The following SUPT3H variants were observed in gnomAD, a reference collection of about 807,000 sequenced individuals.
SUPT3H encodes the protein SPT3 homolog, SAGA and STAGA complex component, also known as transcription initiation protein SPT3 homolog.
A neutral mutation model predicts 44.3 loss-of-function variants in SUPT3H; 44 were observed. The observed-to-expected ratio is 0.99, with a 90% confidence interval of 0.78 to 1.28. The LOEUF (loss-of-function observed/expected upper bound fraction) is 1.28, where lower values mean the gene tolerates loss of function less well. Ranked by LOEUF, SUPT3H falls within the 50% of genes most tolerant of loss-of-function variation. The pLI, the probability that SUPT3H is intolerant of heterozygous loss-of-function variation, is 0.00. For synonymous variants in SUPT3H, 124 were observed against 125.6 expected, an observed-to-expected ratio of 0.99 and a Z score of 0.09; for missense variants, 380 against 387.1, an observed-to-expected ratio of 0.98 and a Z score of 0.15.
In SUPT3H at chr6:44,890,753, T is replaced by TATA. The variant is rs759182550; in HGVS notation, c.912+41897_912+41899dup. Among the ~76,000 whole-genome samples, 400 of 114,384 alleles carry TATA rather than the reference T, an allele frequency of 3.5e-3. 1 individual carries two copies. The highest frequency in any genetic ancestry group is 0.01 in the African/African-American group (373 of 36,168). 75.0% of individuals were successfully genotyped at this position (114,384 alleles called of 152,430 possible). A position where few individuals can be genotyped will look rare whatever the true frequency, so the allele number is the denominator to read the frequency against. ...TGCACATGTACCCTAAAACTTAAAG[T>TATA]ATAATAATAATAATAATAAAAAAAA... On this transcript the variant is annotated intron_variant, in intron 10 of 10. Coordinates refer to ENST00000371459, the MANE Select transcript of SUPT3H (RefSeq NM_003599.4).
intron 9 of SUPT3H, among the ~76,000 whole-genome samples, chr6:44,941,209 T>C (rs1229161242): frequency 6.6e-6 from 1 of 152,138 alleles, no homozygotes; most frequent in East Asian, 1.9e-4. Flanking sequence ...TCCTTCTTTG[T>C]GTGATATTTT....
At position 45,111,988 on chromosome 6, in the gene SUPT3H, G is replaced by A. The variant is rs370896641; in HGVS notation, c.102-5982C>T. Among the ~76,000 whole-genome samples the A allele has an allele frequency of 5.0e-4, 76 of 152,292 alleles. 1 individual carries two copies. In the South Asian group the frequency reaches 0.015, roughly 31 times the overall value. On this transcript the variant is annotated intron_variant, in intron 2 of 10. Transcript: ENST00000371459. ...AGTCAGTAACCATGAAAATATCCTGGAAGTTAGAGGATCTGGTTCTAGTTC... is the reference window on the plus strand; with the variant it reads ...AGTCAGTAACCATGAAAATATCCTGAAAGTTAGAGGATCTGGTTCTAGTTC...
At chr6:44,839,959 CAA>C (rs1399463639) in intron 10 of SUPT3H, among the ~76,000 whole-genome samples, 3 of 152,204 alleles carry the variant, frequency 2.0e-5, no homozygotes, top group Admixed American at 2.0e-4. Context: ...CTTGGCCTCC[CAA>C]AGTGCTGGGA....
At chr6:45,114,186 ATCAC>A (rs1800503806) in intron 2 of SUPT3H, among the ~76,000 whole-genome samples, 1 of 152,162 alleles carries the variant, frequency 6.6e-6, no homozygotes, top group Non-Finnish European at 1.5e-5. Context: ...ACAAGTATTA[ATCAC>A]TCAATCAACA....
At chr6:45,027,543 G>A (rs1417651413) in intron 3 of SUPT3H, among the ~76,000 whole-genome samples, 1 of 152,054 alleles carries the variant, frequency 6.6e-6, no homozygotes, top group Non-Finnish European at 1.5e-5. Flanking sequence ...GTAATCTAGT[G>A]TTTTATCTGA....
chr6:45,160,269 TA>T (rs1554267316), intron 2 of SUPT3H, among the ~76,000 whole-genome samples: 2 of 152,154 alleles, frequency 1.3e-5, no homozygotes, highest in Non-Finnish European at 2.9e-5. Context: ...ACAAGGCAGT[TA>T]AAGTTTCTGG....
Position 44,942,955 on chromosome 6 carries a change from T to C in SUPT3H, c.802-10192A>G, listed in dbSNP as rs1034648242. 3.3e-5 allele frequency among the ~76,000 whole-genome samples: 5 copies of C among 152,122 alleles called. No homozygotes were observed. The East Asian group carries it at 9.6e-4, about 29-fold the overall frequency. On this transcript the variant is annotated intron_variant, in intron 9 of 10. Transcript: ENST00000371459. ...TATTCACAGGAATAAAACAGAATCC[T>C]AAAATGCCTATGATGTATTACTCAC...
intron 2 of SUPT3H, among the ~76,000 whole-genome samples, chr6:45,138,529 T>C (rs1441684815): frequency 6.6e-6 from 1 of 152,122 alleles, no homozygotes; most frequent in Non-Finnish European, 1.5e-5. Flanking sequence ...GCAGCAAAAC[T>C]CAAGGAAATA....
At chr6:44,924,805 A>G (rs1244796595) in intron 10 of SUPT3H, among the ~76,000 whole-genome samples, 3 of 152,106 alleles carry the variant, frequency 2.0e-5, no homozygotes, top group African/African-American at 7.2e-5. Context: ...CTGTAATAAT[A>G]GATTTAGTAC....
At chr6:45,170,548 C>T (rs755308427) in intron 2 of SUPT3H, among the ~76,000 whole-genome samples, 1 of 152,148 alleles carries the variant, frequency 6.6e-6, no homozygotes, top group Non-Finnish European at 1.5e-5. Context: ...AATTAAAGCC[C>T]ATCTGTGTAG....
chr6:45,191,164 C>T (rs1479734887), intron 2 of SUPT3H, among the ~76,000 whole-genome samples: 2 of 151,984 alleles, frequency 1.3e-5, no homozygotes, highest in African/African-American at 2.4e-5. Flanking sequence ...TAGTAAGCAA[C>T]CAAGATGTCC....
At chr6:45,362,440 T>G (rs1243211621) in intron 2 of SUPT3H, among the ~76,000 whole-genome samples, 1 of 152,108 alleles carries the variant, frequency 6.6e-6, no homozygotes, top group Non-Finnish European at 1.5e-5. Context: ...TAACACAAAA[T>G]AAACATAGCA....
chr6:44,899,572 A>T (rs918757613), intron 10 of SUPT3H, among the ~76,000 whole-genome samples: 4 of 152,138 alleles, frequency 2.6e-5, no homozygotes, highest in African/African-American at 9.7e-5. Flanking sequence ...CTGTAATCCC[A>T]GTTACATGGG....
chr6:45,003,158 A>G (rs1322764265), intron 6 of SUPT3H, among the ~76,000 whole-genome samples: 1 of 152,178 alleles, frequency 6.6e-6, no homozygotes, highest in African/African-American at 2.4e-5. Context: ...AATACATGTC[A>G]CTAATTTTGT....
chr6:45,270,330 G>T (rs1373205266), intron 2 of SUPT3H, among the ~76,000 whole-genome samples: 1 of 152,004 alleles, frequency 6.6e-6, no homozygotes, highest in Non-Finnish European at 1.5e-5. Flanking sequence ...ATATGGTTTG[G>T]CTGTGTCCCC....
intron 10 of SUPT3H, among the ~76,000 whole-genome samples, chr6:44,895,094 T>C (rs1159354323): frequency 6.6e-6 from 1 of 152,044 alleles, no homozygotes; most frequent in East Asian, 1.9e-4. Flanking sequence ...ATTTTTTTCC[T>C]CAGTTTAGAT....
At chr6:45,252,629 A>G (rs1231079817) in intron 2 of SUPT3H, among the ~76,000 whole-genome samples, 1 of 152,120 alleles carries the variant, frequency 6.6e-6, no homozygotes, top group Non-Finnish European at 1.5e-5. Context: ...GGTAAAATAC[A>G]AACAGGCACC....
chr6:45,162,536 C>A (rs905080271), intron 2 of SUPT3H, among the ~76,000 whole-genome samples: 3 of 151,896 alleles, frequency 2.0e-5, no homozygotes, highest in African/African-American at 4.8e-5. Context: ...AAACAAAAAC[C>A]AAAACATTAT....
intron 10 of SUPT3H, among the ~76,000 whole-genome samples, chr6:44,903,494 C>A (rs1210292499): frequency 1.3e-5 from 2 of 152,152 alleles, no homozygotes; most frequent in Non-Finnish European, 2.9e-5. Context: ...GAATTTGAAT[C>A]TCTGAATAGA....
Sources: allele counts gnomAD v4.1 joint callset (sites outside exome capture counted in the v4.1 genomes callset), GRCh38; gene constraint gnomAD v4.1.1; transcripts MANE v1.5; gene names NCBI Gene and HGNC (gene_info 2026-07-23, HGNC 2026-07-21).